Variants in FRMD4B observed in about 807,000 individuals in gnomAD.
FRMD4B encodes the protein FERM domain-containing protein 4B.
Under a neutral mutation model 141.5 loss-of-function variants are expected in FRMD4B, and 74 were observed. The observed-to-expected ratio is 0.52, with a 90% CI of 0.43 to 0.63. The LOEUF is 0.63. Among genes scored for constraint, FRMD4B ranks in the 30% least tolerant of loss-of-function variants. FRMD4B has a pLI of 0.00. For synonymous variants in FRMD4B, 506 were observed against 467.9 expected, an observed-to-expected ratio of 1.08 and a Z score of -1.05; for missense variants, 1,366 against 1,253.4, an observed-to-expected ratio of 1.09 and a Z score of -1.36.
At chr3:69,366,069 A>ACG (rs1191476681) in intron 1 of FRMD4B, among the ~76,000 whole-genome samples, 1 of 135,560 alleles carries the variant, frequency 7.4e-6, no homozygotes, top group Non-Finnish European at 1.6e-5. Context: ...AAACACACAC[A>ACG]CACACACACA....
intron 2 of FRMD4B, among the ~76,000 whole-genome samples, chr3:69,403,798 G>C (rs1417895138): frequency 6.6e-6 from 1 of 152,040 alleles, no homozygotes; most frequent in Non-Finnish European, 1.5e-5. Context: ...GCATAAGCAC[G>C]CATGCGTACC....
chr3:69,457,575 G>A (rs1029910729), intron 1 of FRMD4B, among the ~76,000 whole-genome samples: 7 of 152,156 alleles, frequency 4.6e-5, no homozygotes, highest in Non-Finnish European at 7.4e-5. Context: ...ACATGGCCGA[G>A]GTCGAAGTGT....
intron 7 of FRMD4B, among the ~76,000 whole-genome samples, chr3:69,228,205 T>C (rs1454452494): frequency 2.0e-5 from 3 of 152,230 alleles, no homozygotes; most frequent in Admixed American, 2.0e-4. Context: ...ATGTCAATAG[T>C]GCTGAGATTG....
chr3:69,340,527 A>T (rs1336310374), intron 1 of FRMD4B, among the ~76,000 whole-genome samples: 5 of 152,210 alleles, frequency 3.3e-5, no homozygotes, highest in Non-Finnish European at 5.9e-5. Context: ...GACATCGTGC[A>T]GTGGTTATGG....
intron 3 of FRMD4B, among the ~76,000 whole-genome samples, chr3:69,307,472 C>T (rs1416405178): frequency 6.6e-6 from 1 of 151,932 alleles, no homozygotes; most frequent in Non-Finnish European, 1.5e-5. Flanking sequence ...GCCTGAGTAG[C>T]TGGGATTACA....
At chr3:69,234,121 G>A (rs528902202) in intron 7 of FRMD4B, among the ~76,000 whole-genome samples, 31 of 151,802 alleles carry the variant, frequency 2.0e-4, no homozygotes, top group African/African-American at 6.3e-4. Flanking sequence ...TGGCGCGTGC[G>A]TGTAGTCCCA....
chr3:69,426,127 A>G (rs1705073617), intron 2 of FRMD4B, among the ~76,000 whole-genome samples: 1 of 152,354 alleles, frequency 6.6e-6, no homozygotes, highest in African/African-American at 2.4e-5. Flanking sequence ...CATGTTATCA[A>G]TAGGAATCCA....
chr3:69,419,793 T>C (rs921032492), intron 2 of FRMD4B, among the ~76,000 whole-genome samples: 1 of 152,198 alleles, frequency 6.6e-6, no homozygotes, highest in Non-Finnish European at 1.5e-5. Flanking sequence ...CTATGCAGCA[T>C]ACACAGAGAA....
intron 1 of FRMD4B, among the ~76,000 whole-genome samples, chr3:69,489,428 T>C (rs1490192293): frequency 1.3e-5 from 2 of 151,904 alleles, no homozygotes; most frequent in East Asian, 3.9e-4. Context: ...GGGCAAAGGA[T>C]TTGAATAGGC....
At chr3:69,504,985 T>C (rs112167435) in intron 1 of FRMD4B, among the ~76,000 whole-genome samples, 1 of 152,188 alleles carries the variant, frequency 6.6e-6, no homozygotes, top group African/African-American at 2.4e-5. Context: ...CTGGAGATAT[T>C]TGCAATTTTT....
In FRMD4B at chr3:69,187,750, CTGA is replaced by C. The variant is rs749344369; in HGVS notation, c.1919+17_1919+19del. The C allele has an allele frequency of 8.8e-6, 14 of 1,599,578 alleles. No homozygotes were observed. In the African/African-American group the frequency reaches 1.8e-4, roughly 20 times the overall value. On this transcript the variant is annotated intron_variant, in intron 19 of 22. Coordinates refer to ENST00000398540, the MANE Select transcript of FRMD4B (RefSeq NM_015123.3). ...TCCTAGCTGTGGGGCATTAACCTTA[CTGA>C]TGATATGACCTCTCACCTGGACTGC...
At chr3:69,255,554 A>T (rs1043255082) in intron 5 of FRMD4B, among the ~76,000 whole-genome samples, 2 of 152,038 alleles carry the variant, frequency 1.3e-5, no homozygotes, top group Admixed American at 1.3e-4. Flanking sequence ...CTTAAAAAAA[A>T]AGTTTGCAAA....
At chr3:69,305,267 G>A (rs114287188) in intron 3 of FRMD4B, among the ~76,000 whole-genome samples, 4,739 of 152,192 alleles carry the variant, frequency 0.031, 250 homozygotes, top group African/African-American at 0.1. Flanking sequence ...GTTAAATGCC[G>A]GAAAGAGTGT....
chr3:69,433,852 G>A (rs1055399301), intron 1 of FRMD4B, among the ~76,000 whole-genome samples: 3 of 152,078 alleles, frequency 2.0e-5, no homozygotes, highest in African/African-American at 7.2e-5. Context: ...TTATCCTCTT[G>A]GTCCTCATGA....
intron 1 of FRMD4B, among the ~76,000 whole-genome samples, chr3:69,326,119 A>ATTTTTTTT (rs371350022): frequency 1.2e-4 from 16 of 133,686 alleles, no homozygotes; most frequent in African/African-American, 4.3e-4. Flanking sequence ...TGGCTAATCA[A>ATTTTTTTT]TTTTTTTTTT....
chr3:69,455,542 G>A lies in FRMD4B; in HGVS notation c.-128-22781C>T, dbSNP rs149357222. Among the ~76,000 whole-genome samples, 256 of 152,286 alleles carry A rather than the reference G, an allele frequency of 1.7e-3. 1 individual carries two copies. Among genetic ancestry groups the A allele is most frequent in the African/African-American group, 5.6e-3 (231 of 41,564 alleles). On this transcript the variant is annotated intron_variant, in intron 1 of 5. Transcript: ENST00000459638. ...AGCCAGCGAGACCATTAACCGGTAA[G>A]AAGGAAGAAACTACGAACACGTCCG...
At chr3:69,227,376 A>T (rs2093264437) in intron 7 of FRMD4B, among the ~76,000 whole-genome samples, 1 of 152,188 alleles carries the variant, frequency 6.6e-6, no homozygotes, top group African/African-American at 2.4e-5. Context: ...GAAAAAAAGT[A>T]TTCTTAACCG....
At chr3:69,407,993 G>A (rs1238168014) in intron 2 of FRMD4B, among the ~76,000 whole-genome samples, 2 of 152,142 alleles carry the variant, frequency 1.3e-5, no homozygotes, top group Non-Finnish European at 2.9e-5. Context: ...ATCCGGCTCA[G>A]CACACTTTTT....
At chr3:69,279,464 T>C (rs887488946) in intron 5 of FRMD4B, among the ~76,000 whole-genome samples, 1 of 152,222 alleles carries the variant, frequency 6.6e-6, no homozygotes, top group Non-Finnish European at 1.5e-5. Context: ...TTGAGTTCTT[T>C]ATTGTTTCTT....
Sources: gnomAD v4.1 joint callset for allele counts (sites outside exome capture counted in the v4.1 genomes callset) on GRCh38, gnomAD v4.1.1 for gene constraint, MANE v1.5 for transcripts, NCBI Gene and HGNC (gene_info 2026-07-23, HGNC 2026-07-21) for gene names.